Variants in SERF2 observed in about 807,000 individuals in gnomAD.
SERF2 encodes small EDRK-rich factor 2, also known as gastric cancer-related protein VRG107.
SERF2 carries 4 observed loss-of-function variants against 10.7 expected under a neutral mutation model. That is an observed-to-expected ratio of 0.37 (90% CI 0.18 to 0.86). The LOEUF (loss-of-function observed/expected upper bound fraction) is 0.86, where lower values mean the gene tolerates loss of function less well. Among genes scored for constraint, SERF2 ranks in the 40% least tolerant of loss-of-function variants. The probability of loss-of-function intolerance (pLI) is 0.43; values close to 1 mark genes in which losing one functional copy is unlikely to be tolerated. For synonymous variants in SERF2, 26 were observed against 26.0 expected (o/e 1.00, Z 0.01); for missense variants, 47 against 79.1 (o/e 0.59, Z 1.54).
chr15:43,792,515 T>A, intron 1 of SERF2, 132 bp downstream of exon 1: 6 of 1,545,534 alleles, frequency 3.9e-6, no homozygotes, highest in Non-Finnish European at 3.5e-6. Flanking sequence ...GTGGCCACCC[T>A]CACACTCGGT....
At position 43,795,487 on chromosome 15, in the gene SERF2, G is replaced by A. The variant is rs2141688347; in HGVS notation, c.*1714G>A. 1 of 1,614,214 alleles carries A rather than the reference G, an allele frequency of 6.2e-7. No individual in the cohort carries two copies. Among genetic ancestry groups the A allele is most frequent in the Admixed American group, 1.7e-5 (1 of 60,028 alleles). ...GTAGGAAAGATGCTGGACTTGGACT[G>A]GAGGAGCTGGAGGGGTTTCTTGGTC... On this transcript the variant is annotated 3_prime_UTR_variant, in exon 3 of 3. Coordinates refer to ENST00000249786, the MANE Select transcript of SERF2 (RefSeq NM_001018108.4).
intron 2 of SERF2, chr15:43,793,494 C>CA (rs1475665714): frequency 1.4e-6 from 2 of 1,387,828 alleles, no homozygotes; most frequent in Non-Finnish European, 1.9e-6. Context: ...CCTGTGTCAC[C>CA]AGACTTCTGA....
At chr15:43,786,667 C>T (rs984359628) in intron 2 of SERF2, among the ~76,000 whole-genome samples, 2 of 152,156 alleles carry the variant, frequency 1.3e-5, no homozygotes, top group African/African-American at 2.4e-5. Context: ...GTAGTTCCCA[C>T]ACCAGGAAAC....
intron 1 of SERF2, among the ~76,000 whole-genome samples, chr15:43,778,691 G>C (rs1263502301): frequency 6.7e-6 from 1 of 149,906 alleles, no homozygotes; most frequent in Non-Finnish European, 1.5e-5. Context: ...CCTGAGCTCA[G>C]GAGTTCGAGA....
chr15:43,787,034 T>C (rs2141672377), intron 2 of SERF2, among the ~76,000 whole-genome samples: 1 of 147,662 alleles, frequency 6.8e-6, no homozygotes, highest in East Asian at 2.1e-4. Flanking sequence ...GAGTCTGCTC[T>C]GTGGCCCAGG....
chr15:43,790,522 G>A (rs989610503), upstream of SERF2, among the ~76,000 whole-genome samples: 1 of 151,914 alleles, frequency 6.6e-6, no homozygotes, highest in African/African-American at 2.4e-5. Context: ...CTTGCACTTT[G>A]GGGGGCCAAG....
chr15:43,785,704 CTTTTTTTTT>C (rs71415810), intron 2 of SERF2, among the ~76,000 whole-genome samples: 8 of 122,676 alleles, frequency 6.5e-5, no homozygotes, highest in Non-Finnish European at 1.4e-4. Flanking sequence ...TTTTCTTTTT[CTTTTTTTTT>C]TTTTTTTTTT....
Position 43,792,822 on chromosome 15 carries a change from C to T in SERF2, c.8-153C>T, listed in dbSNP as rs2087098887. 3 of 695,716 alleles carry T rather than the reference C, an allele frequency of 4.3e-6. No homozygotes were observed. The Admixed American group carries it at 8.1e-5, about 19-fold the overall frequency. The allele number at this position is 695,716 out of a possible 1,614,324, so 43.1% of individuals were successfully genotyped here. ...CCCGTGGCAGATTCGCCACTCCCCC[C>T]TACCCCAAGCAGCCTGGGCCTCGAT... On this transcript the variant is annotated intron_variant, in intron 1 of 2. Transcript: ENST00000249786.
chr15:43,785,337 G>C (rs1232644936), intron 1 of SERF2: 1 of 152,048 alleles, frequency 6.6e-6, no homozygotes, highest in Non-Finnish European at 1.5e-5. Flanking sequence ...CCAAAGTGCT[G>C]GGATTACAGG....
chr15:43,794,997 G>T lies in SERF2; in HGVS notation c.*1224G>T. The T allele has an allele frequency of 6.2e-7, 1 of 1,607,246 alleles. No homozygotes were observed. Among genetic ancestry groups the T allele is most frequent in the South Asian group, 1.1e-5 (1 of 90,734 alleles). ...CAGGGGAACCCCAGTTTGTGAAAAG[G>T]ACTTAGACTGGAGGATATTTGTTAT... On this transcript the variant is annotated 3_prime_UTR_variant, in exon 3 of 3. Transcript: ENST00000249786.
At position 43,794,220 on chromosome 15, in the gene SERF2, G is replaced by A. The variant is rs1325508933; in HGVS notation, c.*447G>A. On this transcript the variant is annotated 3_prime_UTR_variant, in exon 3 of 3. Transcript: ENST00000249786. ...ACAATGACAACCAAACAAGTACTCCGGATATGCAGTAGAGGAATCCTCTAA... is the reference window on the plus strand; with the variant it reads ...ACAATGACAACCAAACAAGTACTCCAGATATGCAGTAGAGGAATCCTCTAA... 4.1e-6 allele frequency: 2 copies of A among 483,574 alleles called. No homozygotes were observed. The highest frequency in any genetic ancestry group is 2.0e-5 in the African/African-American group (1 of 51,182). 30.0% of individuals were successfully genotyped at this position (483,574 alleles called of 1,614,324 possible).
chr15:43,783,010 T>G (rs2086976737), intron 1 of SERF2, among the ~76,000 whole-genome samples: 1 of 132,158 alleles, frequency 7.6e-6, no homozygotes, highest in Non-Finnish European at 1.6e-5. Context: ...ACACCTGGCT[T>G]TTTTTTTTTT....
At chr15:43,778,999 A>G (rs557452406) in intron 1 of SERF2, among the ~76,000 whole-genome samples, 1 of 152,324 alleles carries the variant, frequency 6.6e-6, no homozygotes, top group South Asian at 2.1e-4. Context: ...GAGAAATAGC[A>G]TGTTCCATGT....
chr15:43,777,364 C>A (rs1015833557), exon 1 of SERF2: 9 of 320,824 alleles, frequency 2.8e-5, no homozygotes, highest in Middle Eastern at 7.6e-4. Flanking sequence ...GCGGGCTCAG[C>A]GGTTCGCGCC....
chr15:43,787,175 A>C (rs147229860), intron 2 of SERF2, among the ~76,000 whole-genome samples: 2,154 of 151,418 alleles, frequency 0.014, 22 homozygotes, highest in Non-Finnish European at 0.022. Flanking sequence ...AATTTTTTGT[A>C]TTTTTAGTAG....
rs749244156 is a variant in SERF2 at position 43,795,234 on chromosome 15, G to C, written c.*1461G>C. On this transcript the variant is annotated 3_prime_UTR_variant, in exon 3 of 3. Transcript: ENST00000249786. Reference sequence around the variant, plus strand: ...CATAGCTGTGTAACCAAAGGCTCTGGTTAGAGAATATGAAGGGCCTTAGCT... The same window carrying C: ...CATAGCTGTGTAACCAAAGGCTCTGCTTAGAGAATATGAAGGGCCTTAGCT... 6.2e-7 allele frequency: 1 copy of C among 1,611,930 alleles called. No homozygotes were observed.
chr15:43,787,937 C>T (rs2141673129), upstream of SERF2, among the ~76,000 whole-genome samples: 1 of 144,784 alleles, frequency 6.9e-6, no homozygotes, highest in East Asian at 2.1e-4. Flanking sequence ...TGCAGTGGTG[C>T]AATCATGGCT....
At chr15:43,779,599 C>T (rs1285686129) in intron 1 of SERF2, among the ~76,000 whole-genome samples, 1 of 152,036 alleles carries the variant, frequency 6.6e-6, no homozygotes, top group Non-Finnish European at 1.5e-5. Context: ...TCAAGCAGTC[C>T]ACCCACCTCA....
chr15:43,784,292 G>A (rs2086987848), intron 1 of SERF2, among the ~76,000 whole-genome samples: 1 of 152,006 alleles, frequency 6.6e-6, no homozygotes, highest in Non-Finnish European at 1.5e-5. Context: ...TGACAAGTCT[G>A]TAGCCATTCT....
Sources: gnomAD v4.1 joint callset for allele counts (sites outside exome capture counted in the v4.1 genomes callset) on GRCh38, gnomAD v4.1.1 for gene constraint, MANE v1.5 for transcripts, NCBI Gene and HGNC (gene_info 2026-07-23, HGNC 2026-07-21) for gene names.